EYS: variants seen among roughly 807,000 people sequenced by gnomAD.
EYS encodes protein eyes shut homolog.
A neutral mutation model predicts 282.1 loss-of-function variants in EYS; 250 were observed. The ratio of observed to expected loss-of-function variants is 0.89; its 90% CI spans 0.80 to 0.98. The LOEUF is 0.98. Ranked by LOEUF, EYS falls within the 50% of genes least tolerant of loss-of-function variation. The pLI is 0.00. For missense variants in EYS, 4,016 were observed against 3,709.0 expected (o/e 1.08, Z -2.15); for synonymous variants, 1,355 against 1,282.9 (o/e 1.06, Z -1.20).
At chr6:64,496,438 C>T (rs1776892072) in intron 26 of EYS, among the ~76,000 whole-genome samples, 1 of 151,922 alleles carries the variant, frequency 6.6e-6, no homozygotes, top group Non-Finnish European at 1.5e-5. Context: ...GGCACAAGGG[C>T]TCTGACTTAA....
At chr6:64,172,856 A>T (rs547811399) in intron 31 of EYS, among the ~76,000 whole-genome samples, 4 of 152,326 alleles carry the variant, frequency 2.6e-5, no homozygotes, top group East Asian at 3.9e-4. Flanking sequence ...CAAGCTCCTT[A>T]TAAGAATCTA....
intron 15 of EYS, among the ~76,000 whole-genome samples, chr6:64,918,141 A>T (rs1217693539): frequency 6.6e-6 from 1 of 152,102 alleles, no homozygotes; most frequent in African/African-American, 2.4e-5. Flanking sequence ...AACCTCTGCA[A>T]TCTTCTTCTT....
At chr6:65,229,663 A>G (rs1766718548) in intron 12 of EYS, among the ~76,000 whole-genome samples, 1 of 151,842 alleles carries the variant, frequency 6.6e-6, no homozygotes, top group African/African-American at 2.4e-5. Context: ...GTGAGTTTAT[A>G]CTCTTTCTAA....
chr6:63,789,335 T>G (rs1770449895), intron 37 of EYS, 111 bp from the exon 38 acceptor site: 1 of 1,065,364 alleles, frequency 9.4e-7, no homozygotes, highest in East Asian at 2.6e-5. Flanking sequence ...TAAGTTATAA[T>G]ACATATTTAG....
rs1312129976 is a variant in EYS, at chr6:65,305,191, G to T, written c.1767-9072C>A. Among the ~76,000 whole-genome samples the T allele has an allele frequency of 1.4e-4, 21 of 151,588 alleles. No individual in the cohort carries two copies. In the East Asian group the frequency reaches 3.9e-3, roughly 28 times the overall value. ...TTGTTTATCATCTTTTGAGAAAAAA[G>T]TTCTGTCATACCCTTCTCTCCACAA... On this transcript the variant is annotated intron_variant, in intron 11 of 42. Transcript: ENST00000503581.
chr6:65,604,443 TAA>T (rs551861764), intron 2 of EYS, among the ~76,000 whole-genome samples: 11 of 151,994 alleles, frequency 7.2e-5, no homozygotes, highest in Non-Finnish European at 7.4e-5. Flanking sequence ...GGAAACACAT[TAA>T]AGAGTTCAAA....
intron 2 of EYS, among the ~76,000 whole-genome samples, chr6:65,553,523 C>A (rs1768676304): frequency 6.6e-6 from 1 of 151,964 alleles, no homozygotes; most frequent in African/African-American, 2.4e-5. Context: ...TGATATTGTA[C>A]TATTGAGGGA....
At chr6:64,107,287 A>ATATATATATATATATATATT (rs1773056725) in intron 31 of EYS, among the ~76,000 whole-genome samples, 3 of 59,626 alleles carry the variant, frequency 5.0e-5, no homozygotes, top group African/African-American at 2.5e-4. Context: ...ATATATATTT[A>ATATATATATATATATATATT]TATATATATA....
chr6:64,804,330 TTTAC>T (rs1764359626), intron 22 of EYS, among the ~76,000 whole-genome samples: 1 of 152,168 alleles, frequency 6.6e-6, no homozygotes, highest in African/African-American at 2.4e-5. Flanking sequence ...GACATCAATA[TTTAC>T]TTCTTTTCAC....
At chr6:64,984,218 G>C (rs1046780338) in intron 14 of EYS, among the ~76,000 whole-genome samples, 1 of 151,266 alleles carries the variant, frequency 6.6e-6, no homozygotes, top group Non-Finnish European at 1.5e-5. Flanking sequence ...AACTACCCTT[G>C]ACATCTCCCT....
At chr6:65,338,866 G>A (rs1770091729) in intron 10 of EYS, among the ~76,000 whole-genome samples, 1 of 151,050 alleles carries the variant, frequency 6.6e-6, no homozygotes, top group African/African-American at 2.4e-5. Flanking sequence ...TAACCTTCCT[G>A]AAGGATATTT....
At chr6:63,893,324 C>T (rs1385315111) in intron 35 of EYS, among the ~76,000 whole-genome samples, 4 of 152,146 alleles carry the variant, frequency 2.6e-5, no homozygotes, top group African/African-American at 9.7e-5. Flanking sequence ...TTGGAACCAA[C>T]CCAAATGCCC....
chr6:63,890,117 G>A (rs1773370595), intron 35 of EYS, among the ~76,000 whole-genome samples: 1 of 152,190 alleles, frequency 6.6e-6, no homozygotes, highest in Non-Finnish European at 1.5e-5. Flanking sequence ...CATAAAGCAA[G>A]TTCCTAGAGA....
chr6:65,348,186 G>A (rs551411329), intron 9 of EYS, among the ~76,000 whole-genome samples: 26 of 151,788 alleles, frequency 1.7e-4, no homozygotes, highest in Non-Finnish European at 3.4e-4. Context: ...CAGTGCTGAA[G>A]TAAACATGGA....
chr6:64,377,823 G>A (rs924651987), intron 29 of EYS: 1 of 152,024 alleles, frequency 6.6e-6, no homozygotes, highest in African/African-American at 2.4e-5. Flanking sequence ...GTAGATGTTG[G>A]AGCTATGCTG....
At chr6:65,501,324 G>A (rs1252132677) in intron 2 of EYS, among the ~76,000 whole-genome samples, 1 of 151,782 alleles carries the variant, frequency 6.6e-6, no homozygotes, top group Non-Finnish European at 1.5e-5. Flanking sequence ...TTTCTCTTTT[G>A]TAGATGATTA....
intron 2 of EYS, among the ~76,000 whole-genome samples, chr6:65,515,048 A>G (rs1767069057): frequency 6.6e-6 from 1 of 152,212 alleles, no homozygotes; most frequent in South Asian, 2.1e-4. Context: ...TTATCTGACA[A>G]AGGGCTAATA....
intron 12 of EYS, among the ~76,000 whole-genome samples, chr6:65,166,858 C>T (rs1764985381): frequency 6.6e-6 from 1 of 151,012 alleles, no homozygotes; most frequent in Non-Finnish European, 1.5e-5. Context: ...GCAACTGTCT[C>T]AATTAAAAGT....
At chr6:65,091,086 T>C (rs1331712424) in intron 12 of EYS, among the ~76,000 whole-genome samples, 1 of 151,924 alleles carries the variant, frequency 6.6e-6, no homozygotes, top group Non-Finnish European at 1.5e-5. Context: ...ATTGTTAAAT[T>C]ATATTTGTTC....
Sources: gnomAD v4.1 joint callset for allele counts (sites outside exome capture counted in the v4.1 genomes callset) on GRCh38, gnomAD v4.1.1 for gene constraint, MANE v1.5 for transcripts, NCBI Gene and HGNC (gene_info 2026-07-23, HGNC 2026-07-21) for gene names.